TRAPPC9: variants seen among roughly 807,000 people sequenced by gnomAD.
TRAPPC9 encodes IKK2 binding protein.
A neutral mutation model predicts 124.0 loss-of-function variants in TRAPPC9; 83 were observed. That is an observed-to-expected ratio of 0.67 (90% CI 0.56 to 0.80). The LOEUF (loss-of-function observed/expected upper bound fraction) is 0.80. TRAPPC9 is among the 30% of genes least tolerant of loss of function. TRAPPC9 has a pLI of 0.00. For missense variants in TRAPPC9, 1,302 were observed against 1,508.3 expected (o/e 0.86, Z 2.27); for synonymous variants, 638 against 617.5 (o/e 1.03, Z -0.49).
chr8:139,815,761 C>T (rs139930223), intron 21 of TRAPPC9, among the ~76,000 whole-genome samples: 27 of 152,328 alleles, frequency 1.8e-4, no homozygotes, highest in Middle Eastern at 3.4e-3. Flanking sequence ...CCTACGGACT[C>T]GTGGTGGGAA....
intron 17 of TRAPPC9, among the ~76,000 whole-genome samples, chr8:140,108,533 C>G (rs761989790): frequency 6.6e-6 from 1 of 152,146 alleles, no homozygotes; most frequent in African/African-American, 2.4e-5. Context: ...TTGCCCAGGG[C>G]GCACCTGGCC....
intron 17 of TRAPPC9, among the ~76,000 whole-genome samples, chr8:140,157,126 T>A (rs1370969014): frequency 4.4e-5 from 2 of 45,222 alleles, no homozygotes; most frequent in East Asian, 1.3e-3. Flanking sequence ...GAAGCCTCCC[T>A]TTTCCATTCA....
At chr8:140,349,696 C>T (rs112198599) in intron 9 of TRAPPC9, among the ~76,000 whole-genome samples, 96 of 152,262 alleles carry the variant, frequency 6.3e-4, no homozygotes, top group African/African-American at 2.0e-3. Flanking sequence ...GCGGCCCTTC[C>T]GCAACATTCC....
chr8:140,361,421 G>A (rs1324117104), intron 8 of TRAPPC9, among the ~76,000 whole-genome samples: 2 of 152,220 alleles, frequency 1.3e-5, no homozygotes, highest in Non-Finnish European at 1.5e-5. Flanking sequence ...CATCTGGGGT[G>A]AACCCTCGAT....
At chr8:140,114,673 G>T (rs759721991) in intron 17 of TRAPPC9, among the ~76,000 whole-genome samples, 3 of 152,206 alleles carry the variant, frequency 2.0e-5, no homozygotes, top group Non-Finnish European at 4.4e-5. Context: ...GGAGGAAAGA[G>T]GTGAAGTGCC....
chr8:140,075,881 T>C (rs1275942724), intron 17 of TRAPPC9, among the ~76,000 whole-genome samples: 1 of 152,248 alleles, frequency 6.6e-6, no homozygotes, highest in African/African-American at 2.4e-5. Context: ...TTGACTCACT[T>C]CTGCTTAGCT....
intron 19 of TRAPPC9, among the ~76,000 whole-genome samples, chr8:139,963,381 G>T (rs1483897708): frequency 6.6e-6 from 1 of 152,138 alleles, no homozygotes; most frequent in Non-Finnish European, 1.5e-5. Context: ...CCCAAGGATG[G>T]CTGAGGTGTA....
At chr8:140,062,953 T>C (rs917710286) in intron 17 of TRAPPC9, among the ~76,000 whole-genome samples, 1 of 152,124 alleles carries the variant, frequency 6.6e-6, no homozygotes, top group African/African-American at 2.4e-5. Context: ...AGAGGTTTAA[T>C]TGAGAGTTTA....
intron 21 of TRAPPC9, among the ~76,000 whole-genome samples, chr8:139,866,559 T>A (rs898858128): frequency 6.6e-6 from 1 of 152,108 alleles, no homozygotes; most frequent in Non-Finnish European, 1.5e-5. Flanking sequence ...GGGATGGAGA[T>A]GGCAGATTGG....
intron 17 of TRAPPC9, among the ~76,000 whole-genome samples, chr8:140,103,382 C>A (rs1282953829): frequency 6.6e-6 from 1 of 152,192 alleles, no homozygotes; most frequent in East Asian, 1.9e-4. Context: ...TGAGGCAGCG[C>A]CTCTCATCAG....
intron 9 of TRAPPC9, among the ~76,000 whole-genome samples, chr8:140,346,883 G>T (rs73372852): frequency 6.6e-6 from 1 of 152,190 alleles, no homozygotes; most frequent in Admixed American, 6.5e-5. Context: ...AATTAAAATC[G>T]TCACCACTGT....
upstream of TRAPPC9, chr8:140,458,405 T>C (rs148523016): frequency 4.2e-4 from 675 of 1,590,156 alleles, 3 homozygotes; most frequent in East Asian, 0.012. Context: ...CCCCCGTGAC[T>C]CCCACGGTCG....
intron 17 of TRAPPC9, among the ~76,000 whole-genome samples, chr8:140,108,470 T>A (rs2060706839): frequency 1.3e-5 from 2 of 152,242 alleles, no homozygotes; most frequent in African/African-American, 4.8e-5. Flanking sequence ...TAAAGCCAAG[T>A]GTCCATTTGA....
At chr8:140,125,422 A>AG (rs2061073497) in intron 17 of TRAPPC9, among the ~76,000 whole-genome samples, 1 of 152,062 alleles carries the variant, frequency 6.6e-6, no homozygotes, top group Non-Finnish European at 1.5e-5. Flanking sequence ...CAGGTTTATG[A>AG]GGTCATTGCT....
At chr8:140,351,569 G>A (rs1210312832) in intron 9 of TRAPPC9, among the ~76,000 whole-genome samples, 1 of 152,208 alleles carries the variant, frequency 6.6e-6, no homozygotes. Flanking sequence ...AAGAGGACAA[G>A]ACCAGCCTGA....
intron 21 of TRAPPC9, among the ~76,000 whole-genome samples, chr8:139,772,863 A>C (rs188752130): frequency 3.4e-3 from 515 of 152,374 alleles, no homozygotes; most frequent in Admixed American, 0.01. Flanking sequence ...CACAGAGGGA[A>C]GACACAGGAA....
At chr8:140,350,598 G>A (rs946773465) in intron 9 of TRAPPC9, among the ~76,000 whole-genome samples, 6 of 152,092 alleles carry the variant, frequency 3.9e-5, no homozygotes, top group African/African-American at 9.7e-5. Context: ...GCAAAGCGGC[G>A]GGTATGATGC....
chr8:140,451,037 A>C lies in TRAPPC9; in HGVS notation c.337T>G (p.Ser113Ala). ...KEIYGSTLYD[S>A]RLFVFGLQGE... Reference sequence around the variant, plus strand: ...TGCAGCCCGAAGACAAAGAGCCGGGAGTCATACAGTGTGGAGCCGTAGATC... The same window carrying C: ...TGCAGCCCGAAGACAAAGAGCCGGGCGTCATACAGTGTGGAGCCGTAGATC... The change falls in exon 2 of 23, where the codon TCC becomes GCC. Residue 113 changes from serine (S) to alanine (A), a missense_variant. By Grantham distance (99) the Ser-to-Ala change is moderately conservative. Coordinates refer to ENST00000438773, the MANE Select transcript of TRAPPC9 (RefSeq NM_001160372.4). The C allele has an allele frequency of 6.2e-7, 1 of 1,614,064 alleles. No homozygotes were observed. The highest frequency in any genetic ancestry group is 8.5e-7 in the Non-Finnish European group (1 of 1,180,018).
intron 17 of TRAPPC9, among the ~76,000 whole-genome samples, chr8:140,188,967 C>T (rs1244533098): frequency 2.0e-5 from 3 of 149,198 alleles, no homozygotes; most frequent in South Asian, 2.1e-4. Flanking sequence ...GCCCTCCTCC[C>T]GTTGTTTCTA....
Sources: gnomAD v4.1 joint callset for allele counts (sites outside exome capture counted in the v4.1 genomes callset) on GRCh38, gnomAD v4.1.1 for gene constraint, MANE v1.5 for transcripts, NCBI Gene and HGNC (gene_info 2026-07-23, HGNC 2026-07-21) for gene names.